The following PHACTR1 variants were observed in gnomAD, a reference collection of about 807,000 sequenced individuals.
PHACTR1 encodes RPEL repeat containing 1.
PHACTR1 carries 16 observed loss-of-function variants against 69.2 expected under a neutral mutation model. That is an observed-to-expected ratio of 0.23 (90% CI 0.16 to 0.35). The LOEUF (loss-of-function observed/expected upper bound fraction) is 0.35, where lower values mean the gene tolerates loss of function less well. Among genes scored for constraint, PHACTR1 ranks in the 10% least tolerant of loss-of-function variants. PHACTR1 has a pLI of 1.00. For synonymous variants in PHACTR1, 312 were observed against 284.5 expected (o/e 1.10, Z -0.97); for missense variants, 510 against 734.7 (o/e 0.69, Z 3.54).
At chr6:13,161,670 T>A (rs973315555) in intron 6 of PHACTR1, among the ~76,000 whole-genome samples, 2 of 152,190 alleles carry the variant, frequency 1.3e-5, no homozygotes, top group Non-Finnish European at 2.9e-5. Context: ...ACTTCTGGGT[T>A]CTGGCGCATC....
intron 4 of PHACTR1, among the ~76,000 whole-genome samples, chr6:13,052,706 T>C (rs572714445): frequency 6.6e-6 from 1 of 152,268 alleles, no homozygotes; most frequent in East Asian, 1.9e-4. Context: ...CAGCTCTCAA[T>C]TTCTAAGAAT....
intron 4 of PHACTR1, among the ~76,000 whole-genome samples, chr6:12,789,567 A>G (rs921690056): frequency 6.6e-6 from 1 of 152,076 alleles, no homozygotes; most frequent in Non-Finnish European, 1.5e-5. Flanking sequence ...ATACTCACAC[A>G]GCTGACTCCT....
intron 4 of PHACTR1, chr6:12,933,991 TG>T: frequency 6.6e-7 from 1 of 1,521,648 alleles, no homozygotes; most frequent in Non-Finnish European, 8.8e-7. Flanking sequence ...ACAAACTACA[TG>T]ACATAAAACA....
chr6:13,247,654 CT>C (rs1431362652), intron 10 of PHACTR1, among the ~76,000 whole-genome samples: 2 of 152,076 alleles, frequency 1.3e-5, no homozygotes, highest in Non-Finnish European at 2.9e-5. Flanking sequence ...CCCAAGTTCC[CT>C]CTTAAAAGAT....
intron 8 of PHACTR1, among the ~76,000 whole-genome samples, chr6:13,209,470 G>A (rs1766465377): frequency 6.6e-6 from 1 of 152,188 alleles, no homozygotes; most frequent in African/African-American, 2.4e-5. Context: ...CCCTGTTTGG[G>A]CCATTGCTGC....
chr6:13,130,272 C>A (rs1294283710), intron 5 of PHACTR1, among the ~76,000 whole-genome samples: 1 of 151,384 alleles, frequency 6.6e-6, no homozygotes, highest in South Asian at 2.1e-4. Flanking sequence ...CCAAATCCAG[C>A]AGAAAAACAA....
rs138899933 is a variant in PHACTR1, at chr6:12,778,921, C to T, written c.250+29131C>T. 5.1e-3 allele frequency among the ~76,000 whole-genome samples: 773 copies of T among 152,340 alleles called. 3 individuals carry two copies. Among genetic ancestry groups the T allele is most frequent in the African/African-American group, 0.018 (731 of 41,570 alleles). On this transcript the variant is annotated intron_variant, in intron 4 of 14. Transcript: ENST00000332995. ...CTCCCCTGCAGACACAGCCCCAAGC[C>T]AGGGCTCATGGCTTAAGCCACAGGG...
At chr6:13,223,926 T>C (rs1258277191) in intron 8 of PHACTR1, among the ~76,000 whole-genome samples, 3 of 152,158 alleles carry the variant, frequency 2.0e-5, no homozygotes, top group South Asian at 2.1e-4. Flanking sequence ...TTGATAAAGA[T>C]GCTAACCAAG....
chr6:12,896,085 T>G (rs1019470830), intron 4 of PHACTR1, among the ~76,000 whole-genome samples: 1 of 152,238 alleles, frequency 6.6e-6, no homozygotes, highest in Admixed American at 6.5e-5. Context: ...AAACCTACTT[T>G]AGGGAATTAA....
At chr6:13,104,237 A>G (rs1177516736) in intron 5 of PHACTR1, among the ~76,000 whole-genome samples, 1 of 152,200 alleles carries the variant, frequency 6.6e-6, no homozygotes, top group African/African-American at 2.4e-5. Flanking sequence ...GTCTGTAACA[A>G]CTTACCAGTC....
intron 5 of PHACTR1, among the ~76,000 whole-genome samples, chr6:13,124,917 G>A (rs942797830): frequency 1.3e-5 from 2 of 152,146 alleles, no homozygotes; most frequent in African/African-American, 4.8e-5. Flanking sequence ...GAATTTGAGA[G>A]GACAAAAATG....
At chr6:13,119,884 A>G (rs1818437531) in intron 5 of PHACTR1, among the ~76,000 whole-genome samples, 1 of 152,184 alleles carries the variant, frequency 6.6e-6, no homozygotes, top group South Asian at 2.1e-4. Flanking sequence ...ACAAAGTCTG[A>G]GTGGTAAGAG....
chr6:12,746,606 T>C (rs1765813499), intron 3 of PHACTR1, among the ~76,000 whole-genome samples: 1 of 152,208 alleles, frequency 6.6e-6, no homozygotes, highest in South Asian at 2.1e-4. Flanking sequence ...AGTTTAGCTA[T>C]CTGGAATTAT....
chr6:13,160,860 A>G (rs1758889123), intron 6 of PHACTR1, among the ~76,000 whole-genome samples: 3 of 152,212 alleles, frequency 2.0e-5, no homozygotes, highest in Admixed American at 1.3e-4. Flanking sequence ...TTGCTGGTGA[A>G]TACCACGTGT....
chr6:13,179,653 G>T lies in PHACTR1; in HGVS notation c.497-2866G>T, dbSNP rs1330553108. Among the ~76,000 whole-genome samples, 1 of 151,914 alleles carries T rather than the reference G, an allele frequency of 6.6e-6. No homozygotes were observed. Among genetic ancestry groups the T allele is most frequent in the Non-Finnish European group, 1.5e-5 (1 of 68,004 alleles). On this transcript the variant is annotated intron_variant, in intron 6 of 14. Coordinates refer to ENST00000332995, the MANE Select transcript of PHACTR1 (RefSeq NM_030948.6). This position sits in a 1 kb window ranked among gnomAD's most constrained non-coding sequence, Gnocchi z 4.2. ...CACATATATGGATGGATGGGTGGTT[G>T]ATAGGTAGGAAGATAGGTAGGTAGG... is the stretch of plus-strand genomic sequence containing the variant.
chr6:12,928,170 C>A (rs9463296), intron 4 of PHACTR1, among the ~76,000 whole-genome samples: 4,195 of 152,234 alleles, frequency 0.028, 184 homozygotes, highest in African/African-American at 0.095. Flanking sequence ...CTCATTAACA[C>A]GTAGAACAGG....
rs148772460 is a variant in PHACTR1, at chr6:12,846,932, G to A, written c.250+97142G>A. ...GAATCTTCCAACCTCAGCTTCCTGA[G>A]TAGCTAGGACCACAGCTAGGACACA... On this transcript the variant is annotated intron_variant, in intron 4 of 14. Coordinates refer to ENST00000332995, the MANE Select transcript of PHACTR1 (RefSeq NM_030948.6). 3.6e-3 allele frequency among the ~76,000 whole-genome samples: 554 copies of A among 151,896 alleles called. 2 individuals are homozygous for A. Among genetic ancestry groups the A allele is most frequent in the African/African-American group, 0.013 (537 of 41,430 alleles).
chr6:12,894,456 T>A (rs1784453049), intron 4 of PHACTR1, among the ~76,000 whole-genome samples: 1 of 152,068 alleles, frequency 6.6e-6, no homozygotes, highest in Non-Finnish European at 1.5e-5. Context: ...AACACAAAAA[T>A]TAGCCGGGTG....
intron 10 of PHACTR1, among the ~76,000 whole-genome samples, chr6:13,232,309 C>T (rs1302962388): frequency 6.6e-6 from 1 of 152,190 alleles, no homozygotes; most frequent in Non-Finnish European, 1.5e-5. Flanking sequence ...TACCTAAGAG[C>T]AGCTTCTTTT....
Sources: gnomAD v4.1 joint callset for allele counts (sites outside exome capture counted in the v4.1 genomes callset) on GRCh38, gnomAD v4.1.1 for gene constraint, Gnocchi (gnomAD v3.1) non-coding constraint, MANE v1.5 for transcripts, NCBI Gene and HGNC (gene_info 2026-07-23, HGNC 2026-07-21) for gene names.